Variants in ASTN2 observed in about 807,000 individuals in gnomAD.
The protein encoded by ASTN2 is astrotactin-2.
ASTN2 carries 54 observed loss-of-function variants against 139.8 expected under a neutral mutation model. The observed-to-expected ratio is 0.39, with a 90% CI of 0.31 to 0.48. The LOEUF is 0.48. Among genes scored for constraint, ASTN2 ranks in the 20% least tolerant of loss-of-function variants. The pLI is 0.95. For missense variants in ASTN2, 1,565 were observed against 1,725.1 expected (o/e 0.91, Z 1.64); for synonymous variants, 756 against 719.5 (o/e 1.05, Z -0.81).
intron 3 of ASTN2, among the ~76,000 whole-genome samples, chr9:117,206,543 C>T (rs1831931320): frequency 6.6e-6 from 1 of 152,162 alleles, no homozygotes; most frequent in African/African-American, 2.4e-5. Context: ...GTGTGCCCTG[C>T]TTTGGGGGCC....
chr9:116,992,591 C>T (rs938752318), intron 7 of ASTN2, among the ~76,000 whole-genome samples: 4 of 152,164 alleles, frequency 2.6e-5, no homozygotes, highest in African/African-American at 9.7e-5. Context: ...AAGCTCTATT[C>T]ACCCTCTCAC....
At chr9:116,815,869 G>T (rs542925543) in intron 12 of ASTN2, among the ~76,000 whole-genome samples, 2 of 141,654 alleles carry the variant, frequency 1.4e-5, no homozygotes, top group African/African-American at 2.6e-5. Context: ...AGGAATATAT[G>T]AGAAATAACT....
At chr9:116,490,006 T>C (rs1285037483) in intron 19 of ASTN2, among the ~76,000 whole-genome samples, 1 of 152,058 alleles carries the variant, frequency 6.6e-6, no homozygotes, top group East Asian at 1.9e-4. Context: ...ATTTTTCTTT[T>C]TGTTACAAGG....
intron 20 of ASTN2, among the ~76,000 whole-genome samples, chr9:116,461,213 T>C (rs1848475749): frequency 6.6e-6 from 1 of 151,014 alleles, no homozygotes; most frequent in Non-Finnish European, 1.5e-5. Context: ...TTCTAATATA[T>C]TATATAATTT....
At chr9:117,102,456 C>G (rs971092051) in intron 4 of ASTN2, among the ~76,000 whole-genome samples, 2 of 152,030 alleles carry the variant, frequency 1.3e-5, no homozygotes, top group African/African-American at 4.8e-5. Context: ...TGGAACTGGA[C>G]AGAGGTGATG....
At chr9:117,013,975 A>G (rs1340978898) in intron 6 of ASTN2, among the ~76,000 whole-genome samples, 1 of 152,124 alleles carries the variant, frequency 6.6e-6, no homozygotes, top group Non-Finnish European at 1.5e-5. Context: ...TGGCTAAAAG[A>G]TGGTCTTTAC....
chr9:117,350,722 G>A lies in ASTN2; in HGVS notation c.443-59209C>T, dbSNP rs191411116. Reference sequence around the variant, plus strand: ...ACGCTGGGCAGTGGGGAATGAGGCTGGGAAATGAAGACAATACTGTAAAGA... The same window carrying A: ...ACGCTGGGCAGTGGGGAATGAGGCTAGGAAATGAAGACAATACTGTAAAGA... On this transcript the variant is annotated intron_variant, in intron 1 of 22. Transcript: ENST00000313400. Among the ~76,000 whole-genome samples the A allele has an allele frequency of 5.3e-5, 8 of 152,226 alleles. No individual in the cohort carries two copies. The East Asian group carries it at 7.7e-4, about 15-fold the overall frequency.
At chr9:116,881,889 T>C (rs1833458114) in intron 10 of ASTN2, among the ~76,000 whole-genome samples, 1 of 152,174 alleles carries the variant, frequency 6.6e-6, no homozygotes, top group East Asian at 1.9e-4. Context: ...AACTATTTGA[T>C]GTTTCGAAGC....
intron 10 of ASTN2, among the ~76,000 whole-genome samples, chr9:116,867,656 A>T (rs1267526054): frequency 1.3e-5 from 2 of 152,078 alleles, no homozygotes; most frequent in Non-Finnish European, 2.9e-5. Flanking sequence ...AAGCAAAAAC[A>T]TGTCACCTTT....
At chr9:116,939,034 T>C (rs970650766) in intron 10 of ASTN2, among the ~76,000 whole-genome samples, 1 of 152,208 alleles carries the variant, frequency 6.6e-6, no homozygotes, top group Non-Finnish European at 1.5e-5. Flanking sequence ...TGTGAAACAG[T>C]AGTACTAACT....
intron 20 of ASTN2, among the ~76,000 whole-genome samples, chr9:116,447,068 C>A (rs963827599): frequency 6.6e-6 from 1 of 152,168 alleles, no homozygotes; most frequent in African/African-American, 2.4e-5. Flanking sequence ...CCTTCCTCCC[C>A]ACTCTGCTTC....
intron 1 of ASTN2, among the ~76,000 whole-genome samples, chr9:117,365,343 AAAG>A (rs1829815753): frequency 6.6e-6 from 1 of 151,626 alleles, no homozygotes; most frequent in Non-Finnish European, 1.5e-5. Context: ...GAAAGAGAGA[AAAG>A]AAAAGAAAAG....
intron 5 of ASTN2, among the ~76,000 whole-genome samples, chr9:117,060,473 G>A (rs1184317708): frequency 0.02 from 1,812 of 92,600 alleles, 148 homozygotes; most frequent in Admixed American, 0.05. Flanking sequence ...AGGAAGGAAG[G>A]AAGGAAGGAA....
At chr9:116,789,611 T>C (rs1480763405) in intron 13 of ASTN2, among the ~76,000 whole-genome samples, 1 of 152,256 alleles carries the variant, frequency 6.6e-6, no homozygotes, top group East Asian at 1.9e-4. Flanking sequence ...TGTTACTACA[T>C]ACATTTCAAT....
intron 19 of ASTN2, among the ~76,000 whole-genome samples, chr9:116,529,762 G>A (rs1354892011): frequency 2.0e-5 from 3 of 151,948 alleles, no homozygotes; most frequent in African/African-American, 7.2e-5. Context: ...TCGTTTAAAA[G>A]TGTGGCACTT....
intron 1 of ASTN2, among the ~76,000 whole-genome samples, chr9:117,337,986 C>A (rs964267547): frequency 8.5e-5 from 13 of 152,206 alleles, no homozygotes; most frequent in African/African-American, 3.1e-4. Flanking sequence ...ATCTGTATTC[C>A]ATGGAATTAT....
intron 1 of ASTN2, among the ~76,000 whole-genome samples, chr9:117,395,730 G>A (rs1257584125): frequency 6.7e-6 from 1 of 149,420 alleles, no homozygotes; most frequent in Non-Finnish European, 1.5e-5. Flanking sequence ...GGGAATTGGG[G>A]TGCAAATACG....
chr9:116,525,402 A>G (rs1204926560), intron 19 of ASTN2, among the ~76,000 whole-genome samples: 1 of 152,206 alleles, frequency 6.6e-6, no homozygotes, highest in African/African-American at 2.4e-5. Context: ...GATGTGGCAT[A>G]GGAGGAAGCA....
At chr9:117,318,712 A>G (rs1478978487) in intron 1 of ASTN2, among the ~76,000 whole-genome samples, 2 of 152,132 alleles carry the variant, frequency 1.3e-5, no homozygotes, top group Non-Finnish European at 2.9e-5. Flanking sequence ...AACACATCCA[A>G]TGTCCTCTGT....
Sources: allele counts gnomAD v4.1 joint callset (sites outside exome capture counted in the v4.1 genomes callset), GRCh38; gene constraint gnomAD v4.1.1; transcripts MANE v1.5; gene names NCBI Gene and HGNC (gene_info 2026-07-23, HGNC 2026-07-21).